PLCB1: variants seen among roughly 807,000 people sequenced by gnomAD.
PLCB1 encodes the protein 1-phosphatidylinositol 4,5-bisphosphate phosphodiesterase beta-1.
PLCB1 carries 46 observed loss-of-function variants against 161.8 expected under a neutral mutation model. The observed-to-expected ratio is 0.28, with a 90% CI of 0.22 to 0.36. The LOEUF (loss-of-function observed/expected upper bound fraction) is 0.36. Among genes scored for constraint, PLCB1 ranks in the 10% least tolerant of loss-of-function variants. The pLI is 1.00. For synonymous variants in PLCB1, 517 were observed against 503.7 expected (o/e 1.03, Z -0.35); for missense variants, 1,016 against 1,472.5 (o/e 0.69, Z 5.07).
chr20:8,730,895 G>T (rs1266561879), intron 18 of PLCB1, among the ~76,000 whole-genome samples: 1 of 151,574 alleles, frequency 6.6e-6, no homozygotes, highest in Non-Finnish European at 1.5e-5. Context: ...TTTTATAAAT[G>T]ATTGTATTTT....
chr20:8,632,296 G>T (rs1156512442), intron 4 of PLCB1, among the ~76,000 whole-genome samples: 1 of 151,998 alleles, frequency 6.6e-6, no homozygotes. Context: ...GAGCCTTCAA[G>T]CCCGTTGACA....
intron 31 of PLCB1, among the ~76,000 whole-genome samples, chr20:8,814,428 T>C (rs1055359120): frequency 1.4e-4 from 22 of 152,120 alleles, no homozygotes; most frequent in Admixed American, 1.4e-3. Flanking sequence ...AAGAGTAGAG[T>C]AGAAAATAGT....
chr20:8,635,266 G>A (rs199506967), intron 4 of PLCB1, among the ~76,000 whole-genome samples: 2 of 152,078 alleles, frequency 1.3e-5, no homozygotes, highest in East Asian at 3.9e-4. Context: ...GGAAAGGAAG[G>A]GAAAGGAAAG....
intron 3 of PLCB1, among the ~76,000 whole-genome samples, chr20:8,574,536 C>T (rs532562534): frequency 6.6e-6 from 1 of 152,258 alleles, no homozygotes; most frequent in East Asian, 1.9e-4. Flanking sequence ...GAGTCAAGGA[C>T]TTGAATGAAA....
intron 3 of PLCB1, among the ~76,000 whole-genome samples, chr20:8,438,021 G>A (rs189974682): frequency 1.3e-5 from 2 of 152,090 alleles, no homozygotes; most frequent in South Asian, 2.1e-4. Context: ...TATACTTATA[G>A]TTTATTTTAT....
chr20:8,700,866 G>C (rs1383584931), intron 11 of PLCB1, among the ~76,000 whole-genome samples: 1 of 152,198 alleles, frequency 6.6e-6, no homozygotes, highest in Non-Finnish European at 1.5e-5. Context: ...GCTGAGATGT[G>C]GGTAGGTGAC....
intron 3 of PLCB1, among the ~76,000 whole-genome samples, chr20:8,417,240 C>A (rs1236631633): frequency 6.6e-6 from 1 of 150,598 alleles, no homozygotes; most frequent in East Asian, 1.9e-4. Context: ...GCGCCCACCA[C>A]CATGCCCAGC....
chr20:8,465,598 T>C (rs1568686693), intron 3 of PLCB1, among the ~76,000 whole-genome samples: 1 of 152,140 alleles, frequency 6.6e-6, no homozygotes, highest in East Asian at 1.9e-4. Flanking sequence ...TCAGCAGATA[T>C]CTTCAGGGTG....
chr20:8,881,573 A>G lies in PLCB1; in HGVS notation c.3424-49A>G, dbSNP rs75131892. On this transcript the variant is annotated intron_variant, in intron 31 of 31. Coordinates refer to ENST00000338037, the MANE Select transcript of PLCB1 (RefSeq NM_015192.4). The stretch of plus-strand genomic sequence containing the variant: ...TCAGAGAGTTTCTATGGGAGTGGGT[A>G]TAGAAACATAAACAACTTCAAGTCA... 4,010 of 1,370,834 alleles carry G rather than the reference A, an allele frequency of 2.9e-3. 99 individuals are homozygous for G. The African/African-American group carries it at 0.051, about 17-fold the overall frequency. 84.9% of individuals were successfully genotyped at this position (1,370,834 alleles called of 1,614,324 possible). A position where few individuals can be genotyped will look rare whatever the true frequency, so the allele number is the denominator to read the frequency against.
intron 26 of PLCB1, among the ~76,000 whole-genome samples, chr20:8,769,719 CT>C (rs1409497788): frequency 4.6e-5 from 7 of 152,232 alleles, no homozygotes; most frequent in African/African-American, 7.2e-5. Context: ...TAACTGAAAA[CT>C]TTATTAATTA....
chr20:8,239,700 C>T (rs11905810), intron 2 of PLCB1, among the ~76,000 whole-genome samples: 1,997 of 151,782 alleles, frequency 0.013, 46 homozygotes, highest in African/African-American at 0.045. Context: ...AGGAAAGATA[C>T]GATGCTTGAT....
chr20:8,543,921 G>C (rs1236027170), intron 3 of PLCB1, among the ~76,000 whole-genome samples: 1 of 152,200 alleles, frequency 6.6e-6, no homozygotes, highest in East Asian at 1.9e-4. Flanking sequence ...AGAAATGTGA[G>C]TCAATTAAAC....
intron 3 of PLCB1, among the ~76,000 whole-genome samples, chr20:8,454,666 T>C (rs1220622458): frequency 6.6e-6 from 1 of 152,192 alleles, no homozygotes; most frequent in Non-Finnish European, 1.5e-5. Context: ...TGTAATGCTA[T>C]TCTGCAGACA....
chr20:8,515,579 C>A (rs1409425740), intron 3 of PLCB1, among the ~76,000 whole-genome samples: 1 of 152,170 alleles, frequency 6.6e-6, no homozygotes, highest in African/African-American at 2.4e-5. Flanking sequence ...ACCTCCTTCC[C>A]AATCTCTACT....
At chr20:8,391,960 A>C (rs2122435167) in intron 3 of PLCB1, among the ~76,000 whole-genome samples, 1 of 151,932 alleles carries the variant, frequency 6.6e-6, no homozygotes, top group South Asian at 2.1e-4. Flanking sequence ...AAACATTTTG[A>C]AATGGGAATA....
At chr20:8,338,943 T>C (rs1985694383) in intron 2 of PLCB1, among the ~76,000 whole-genome samples, 1 of 152,202 alleles carries the variant, frequency 6.6e-6, no homozygotes, top group Non-Finnish European at 1.5e-5. Flanking sequence ...GCAATGTAAT[T>C]TTTTTTGAGA....
intron 11 of PLCB1, among the ~76,000 whole-genome samples, chr20:8,700,048 A>C (rs1990664248): frequency 6.6e-6 from 1 of 152,182 alleles, no homozygotes; most frequent in Non-Finnish European, 1.5e-5. Context: ...CCTAAGATGC[A>C]GTCTAACAGT....
chr20:8,230,884 T>A (rs1171027110), intron 2 of PLCB1, among the ~76,000 whole-genome samples: 1 of 152,122 alleles, frequency 6.6e-6, no homozygotes, highest in African/African-American at 2.4e-5. Context: ...ACCCCCTGCC[T>A]ACCTCTCAAG....
intron 9 of PLCB1, among the ~76,000 whole-genome samples, chr20:8,675,306 C>A (rs6108177): frequency 1.3e-5 from 2 of 152,146 alleles, no homozygotes; most frequent in Non-Finnish European, 2.9e-5. Context: ...TATTTCCCAC[C>A]TAATAAGTAC....
Sources: gnomAD v4.1 joint callset for allele counts (sites outside exome capture counted in the v4.1 genomes callset) on GRCh38, gnomAD v4.1.1 for gene constraint, MANE v1.5 for transcripts, NCBI Gene and HGNC (gene_info 2026-07-23, HGNC 2026-07-21) for gene names.